Variants in KLHL12 observed in about 807,000 individuals in gnomAD.
The protein encoded by KLHL12 is kelch like family member 12.
Under a neutral mutation model 60.8 loss-of-function variants are expected in KLHL12, and 17 were observed. The ratio of observed to expected loss-of-function variants is 0.28; its 90% CI spans 0.19 to 0.42. The LOEUF is 0.42. Among genes scored for constraint, KLHL12 ranks in the 10% least tolerant of loss-of-function variants. The probability of loss-of-function intolerance (pLI) is 1.00; values close to 1 mark genes in which losing one functional copy is unlikely to be tolerated. For missense variants in KLHL12, 468 were observed against 722.3 expected, an observed-to-expected ratio of 0.65 and a Z score of 4.04; for synonymous variants, 220 against 250.9, an observed-to-expected ratio of 0.88 and a Z score of 1.16.
chr1:202,899,118 G>C (rs1659927539), intron 6 of KLHL12, among the ~76,000 whole-genome samples: 1 of 151,946 alleles, frequency 6.6e-6, no homozygotes, highest in African/African-American at 2.4e-5. Flanking sequence ...TTTGAGACCA[G>C]CCTAGCCAAC....
At chr1:202,915,342 A>C (rs974753477) in intron 4 of KLHL12, among the ~76,000 whole-genome samples, 1 of 152,162 alleles carries the variant, frequency 6.6e-6, no homozygotes, top group Admixed American at 6.5e-5. Flanking sequence ...TATTTTATTT[A>C]ATAAGAGGGA....
At chr1:202,927,473 C>T (rs1447051248), upstream of KLHL12, among the ~76,000 whole-genome samples, 1 of 123,904 alleles carries the variant, frequency 8.1e-6, no homozygotes, top group Non-Finnish European at 1.7e-5. Context: ...ACCTGAGCTC[C>T]GGAGTTCCAG....
At chr1:202,922,240 G>A (rs895533452) in intron 2 of KLHL12, among the ~76,000 whole-genome samples, 11 of 151,748 alleles carry the variant, frequency 7.2e-5, no homozygotes, top group African/African-American at 2.7e-4. Context: ...CAGCAACCTG[G>A]TAAGGTAGTT....
At position 202,899,834 on chromosome 1, in the gene KLHL12, AAAAAAAT is replaced by A. The variant is rs1659952821; in HGVS notation, c.833-2881_833-2875del. 4.6e-5 allele frequency among the ~76,000 whole-genome samples: 7 copies of A among 151,020 alleles called. No individual in the cohort carries two copies. The Admixed American group carries it at 4.6e-4, about 10-fold the overall frequency. On this transcript the variant is annotated intron_variant, in intron 6 of 11. Transcript: ENST00000367261. ...TAAGACTCCATCTCAAAAAAAAAAA[AAAAAAAT>A]AATAATAATAAATAAAAAAATCAAA...
In KLHL12 at chr1:202,893,165, A is replaced by G. The variant is rs1659729461; in HGVS notation, c.1580+74T>C. 3 of 1,260,956 alleles carry G rather than the reference A, an allele frequency of 2.4e-6. No individual in the cohort carries two copies. The highest frequency in any genetic ancestry group is 3.3e-6 in the Non-Finnish European group (3 of 916,760). The allele number at this position is 1,260,956 out of a possible 1,614,324, so 78.1% of individuals were successfully genotyped here. A position where few individuals can be genotyped will look rare whatever the true frequency, so the allele number is the denominator to read the frequency against. ...CCCTACCCAAGTCTTGTCTCTGTCC[A>G]AAAATGAGGATCAGATCACATAGAC... On this transcript the variant is annotated intron_variant, in intron 11 of 11. Transcript: ENST00000367261. This position sits in a 1 kb window ranked among gnomAD's most constrained non-coding sequence, Gnocchi z 4.1.
rs761740671 is a variant in KLHL12 at position 202,911,177 on chromosome 1, C to T, written c.594G>A (p.Glu198=). The T allele has an allele frequency of 6.2e-7, 1 of 1,614,100 alleles. No homozygotes were observed. The highest frequency in any genetic ancestry group is 1.3e-5 in the African/African-American group (1 of 75,032). ...IQVDSEEPVF[E]AVINWVKHAK... is the part of the protein sequence containing the mutation. ...CATGCTTCACCCAGTTGATGACAGC[C>T]TCAAAGACTGGCTCTTCAGAATCCA... The change falls in exon 5 of 12, where the codon GAG becomes GAA. Residue 198 remains glutamate, a synonymous_variant. Transcript: ENST00000367261.
chr1:202,921,228 G>A (rs929733153), intron 2 of KLHL12, among the ~76,000 whole-genome samples: 1 of 151,172 alleles, frequency 6.6e-6, no homozygotes, highest in African/African-American at 2.4e-5. Context: ...AGGCTGGAGT[G>A]CAGTGGCGTA....
chr1:202,928,593 A>C, upstream of KLHL12: 1 of 1,187,360 alleles, frequency 8.4e-7, no homozygotes, highest in Non-Finnish European at 1.1e-6. Flanking sequence ...TGCGGCGAGA[A>C]TCCTCTGAGC....
At chr1:202,914,046 G>C (rs1002714238) in intron 4 of KLHL12, among the ~76,000 whole-genome samples, 2 of 152,194 alleles carry the variant, frequency 1.3e-5, no homozygotes, top group African/African-American at 4.8e-5. Context: ...TAGAAGGCTA[G>C]TGTAGCAGAG....
intron 3 of KLHL12, 37 bp downstream of exon 3, chr1:202,919,718 T>G: frequency 6.4e-7 from 1 of 1,570,486 alleles, no homozygotes; most frequent in Non-Finnish European, 8.6e-7. Flanking sequence ...TCCAGGGCTA[T>G]TTTGACATAA....
intron 6 of KLHL12, among the ~76,000 whole-genome samples, chr1:202,897,999 T>C (rs1659894629): frequency 6.6e-6 from 1 of 152,202 alleles, no homozygotes; most frequent in Admixed American, 6.5e-5. Context: ...TTTTCTCTAT[T>C]TTCCCAAAGA....
At chr1:202,907,081 C>T (rs956214639) in intron 6 of KLHL12, among the ~76,000 whole-genome samples, 3 of 152,162 alleles carry the variant, frequency 2.0e-5, no homozygotes, top group South Asian at 2.1e-4. Context: ...TTCAATCTAT[C>T]TTGTGTTGAT....
chr1:202,911,688 C>A, intron 4 of KLHL12: 1 of 534,674 alleles, frequency 1.9e-6, no homozygotes, highest in Non-Finnish European at 3.3e-6. Flanking sequence ...AACTGTTCAC[C>A]CAAGCCTCTG....
At chr1:202,927,441 G>C (rs1653643200), upstream of KLHL12, among the ~76,000 whole-genome samples, 1 of 149,852 alleles carries the variant, frequency 6.7e-6, no homozygotes, top group South Asian at 2.1e-4. Flanking sequence ...CCGGCACTTT[G>C]GCAGGCCGAG....
At chr1:202,923,824 C>T (rs986623513) in intron 2 of KLHL12, among the ~76,000 whole-genome samples, 7 of 150,928 alleles carry the variant, frequency 4.6e-5, no homozygotes, top group Admixed American at 4.6e-4. Context: ...CATTCTGATT[C>T]AGCAGCAATA....
Position 202,893,338 on chromosome 1 carries a change from T to C in KLHL12, c.1481A>G (p.Asn494Ser), listed in dbSNP as rs751842625. ...TAHLSSVEAY[N>S]IRTDSWTTVT... ...AGTTGTCCAGGAATCAGTGCGAATG[T>C]TGTATGCTTCAACGGAAGAAAGGTG... Residue 494 changes from asparagine (N) to serine (S), a missense_variant, in exon 11 of 12, where the codon AAC (asparagine) becomes AGC (serine). By Grantham distance (46) the Asn-to-Ser change is conservative. Around this residue, in one of 4 missense-constraint regions of KLHL12, gnomAD observed 68 missense variants for 119.8 expected, o/e 0.57. Transcript: ENST00000367261. The surrounding 1 kb of genome is among the most constrained non-coding windows in gnomAD (Gnocchi z 4.1). The C allele has an allele frequency of 2.5e-6, 4 of 1,613,946 alleles. No individual in the cohort carries two copies. The highest frequency in any genetic ancestry group is 2.7e-5 in the African/African-American group (2 of 75,024).
chr1:202,924,682 T>G (rs1653434788), intron 2 of KLHL12, among the ~76,000 whole-genome samples: 1 of 152,224 alleles, frequency 6.6e-6, no homozygotes, highest in Non-Finnish European at 1.5e-5. Context: ...AGCTGACATG[T>G]GTGTTTTACT....
chr1:202,927,681 A>T (rs1290295547), upstream of KLHL12, among the ~76,000 whole-genome samples: 1 of 140,362 alleles, frequency 7.1e-6, no homozygotes, highest in Non-Finnish European at 1.5e-5. Context: ...CTGTAAAAAA[A>T]AAAAAAAAAA....
chr1:202,899,416 C>A (rs553618309), intron 6 of KLHL12, among the ~76,000 whole-genome samples: 2 of 152,272 alleles, frequency 1.3e-5, no homozygotes, highest in South Asian at 4.1e-4. Flanking sequence ...AAAACATATA[C>A]ACTCACACAT....
Sources: gnomAD v4.1 joint callset for allele counts (sites outside exome capture counted in the v4.1 genomes callset) on GRCh38, gnomAD v4.1.1 for gene constraint, gnomAD v4.1.1 regional missense constraint, Gnocchi (gnomAD v3.1) non-coding constraint, MANE v1.5 for transcripts, NCBI Gene and HGNC (gene_info 2026-07-23, HGNC 2026-07-21) for gene names.